SLCO6A1: variants seen among roughly 807,000 people sequenced by gnomAD.
SLCO6A1 encodes cancer/testis antigen 48.
A neutral mutation model predicts 72.7 loss-of-function variants in SLCO6A1; 65 were observed. The observed-to-expected ratio is 0.89, with a 90% CI of 0.73 to 1.10. The LOEUF (loss-of-function observed/expected upper bound fraction) is 1.10, where lower values mean the gene tolerates loss of function less well. SLCO6A1 is among the 50% of genes least tolerant of loss of function. SLCO6A1 has a pLI of 0.00. For synonymous variants in SLCO6A1, 314 were observed against 298.2 expected (o/e 1.05, Z -0.55); for missense variants, 874 against 872.6 (o/e 1.00, Z -0.02).
Position 102,459,775 on chromosome 5 carries a change from G to A in SLCO6A1, c.902C>T (p.Thr301Ile), listed in dbSNP as rs1266946335. Residue 301 changes from threonine (T) to isoleucine (I), a missense_variant and splice_region_variant, in exon 5 of 14, where the codon ACT becomes ATT. Thr to Ile is a moderately conservative substitution (Grantham distance 89). Coordinates refer to ENST00000506729, the MANE Select transcript of SLCO6A1 (RefSeq NM_173488.5). Reference protein sequence around the residue: ...VPENTTSATNTTVNNGSPEWL... With the variant: ...VPENTTSATNITVNNGSPEWL... ...TTCTGGACTACCATTATTGACTGTAGTGCTTTAATAAAGAAAAGTGAAAAA... is the reference window on the plus strand; with the variant it reads ...TTCTGGACTACCATTATTGACTGTAATGCTTTAATAAAGAAAAGTGAAAAA... 1.3e-6 allele frequency: 2 copies of A among 1,550,500 alleles called. No individual in the cohort carries two copies. Among genetic ancestry groups the A allele is most frequent in the Non-Finnish European group, 1.7e-6 (2 of 1,152,310 alleles).
intron 6 of SLCO6A1, among the ~76,000 whole-genome samples, chr5:102,448,139 A>G (rs1376208015): frequency 6.6e-6 from 1 of 152,186 alleles, no homozygotes; most frequent in African/African-American, 2.4e-5. Flanking sequence ...CCCAAAAGTC[A>G]CTCAGGAGCA....
Position 102,480,939 on chromosome 5 carries a change from T to C in SLCO6A1, c.359-505A>G, listed in dbSNP as rs979351697. Among the ~76,000 whole-genome samples the C allele has an allele frequency of 1.8e-3, 273 of 151,794 alleles. 3 individuals carry two copies. The highest frequency in any genetic ancestry group is 6.0e-4 in the Non-Finnish European group (41 of 67,996). On this transcript the variant is annotated intron_variant, in intron 1 of 13. Coordinates refer to ENST00000506729, the MANE Select transcript of SLCO6A1 (RefSeq NM_173488.5). Reference sequence around the variant, plus strand: ...TTTAACATTTTTGACAATACATATGTCCTTAGACAATATCAAGTATTGTTT... The same window carrying C: ...TTTAACATTTTTGACAATACATATGCCCTTAGACAATATCAAGTATTGTTT...
At chr5:102,442,768 G>A (rs1023222063) in intron 6 of SLCO6A1, among the ~76,000 whole-genome samples, 1 of 152,156 alleles carries the variant, frequency 6.6e-6, no homozygotes, top group African/African-American at 2.4e-5. Flanking sequence ...CATTCATAAA[G>A]AAATGAGACA....
intron 7 of SLCO6A1, among the ~76,000 whole-genome samples, chr5:102,430,928 C>CT (rs552115897): frequency 4.2e-4 from 64 of 152,006 alleles, no homozygotes; most frequent in African/African-American, 1.5e-3. Flanking sequence ...TAATCCTGGG[C>CT]TTTTTTTGGT....
Position 102,480,432 on chromosome 5 carries a change from C to T in SLCO6A1, c.361G>A (p.Val121Met). The T allele has an allele frequency of 6.9e-6, 11 of 1,602,502 alleles. No individual in the cohort carries two copies. Among genetic ancestry groups the T allele is most frequent in the Non-Finnish European group, 9.4e-6 (11 of 1,175,630 alleles). The change falls in exon 2 of 14, where the codon GTG becomes ATG. Residue 121 changes from valine to methionine, a missense_variant and splice_region_variant. Coordinates refer to ENST00000506729, the MANE Select transcript of SLCO6A1 (RefSeq NM_173488.5). ...FYCILLICQG[V>M]VFGLIDVSIG... Reference sequence around the variant, plus strand: ...CTGACATCTATAAGACCAAACACCACACCTAAAATGTAAAAAGAAAAAGAG... The same window carrying T: ...CTGACATCTATAAGACCAAACACCATACCTAAAATGTAAAAAGAAAAAGAG...
At chr5:102,442,154 T>A (rs1749869318) in intron 6 of SLCO6A1, among the ~76,000 whole-genome samples, 1 of 152,198 alleles carries the variant, frequency 6.6e-6, no homozygotes, top group African/African-American at 2.4e-5. Context: ...GGAACTGATT[T>A]TTGGAGCATC....
intron 9 of SLCO6A1, among the ~76,000 whole-genome samples, chr5:102,399,972 A>G (rs1281463889): frequency 2.6e-5 from 4 of 151,586 alleles, no homozygotes; most frequent in African/African-American, 9.7e-5. Context: ...GTGTGTAATT[A>G]TAATTACTTA....
intron 12 of SLCO6A1, among the ~76,000 whole-genome samples, chr5:102,380,478 C>T (rs568015094): frequency 1.7e-4 from 26 of 152,110 alleles, no homozygotes; most frequent in Admixed American, 8.5e-4. Context: ...ATGTCACAGC[C>T]TTTTCCCCAG....
At chr5:102,397,306 G>A (rs1018424879) in intron 10 of SLCO6A1, among the ~76,000 whole-genome samples, 3 of 152,090 alleles carry the variant, frequency 2.0e-5, no homozygotes, top group African/African-American at 7.2e-5. Context: ...ACTTGAGGAA[G>A]TTTCCAGGGG....
intron 7 of SLCO6A1, among the ~76,000 whole-genome samples, chr5:102,421,473 G>C (rs1432130679): frequency 2.0e-5 from 3 of 152,252 alleles, no homozygotes; most frequent in East Asian, 3.9e-4. Context: ...TGAGTAGGCA[G>C]TTTTCCCCTC....
At chr5:102,407,927 G>T (rs192096115) in intron 9 of SLCO6A1, among the ~76,000 whole-genome samples, 1 of 152,278 alleles carries the variant, frequency 6.6e-6, no homozygotes, top group Admixed American at 6.5e-5. Context: ...GAGACTTGGA[G>T]CAGAGGACCC....
intron 10 of SLCO6A1, among the ~76,000 whole-genome samples, chr5:102,397,942 C>T (rs1747187434): frequency 6.6e-6 from 1 of 152,060 alleles, no homozygotes. Flanking sequence ...AACTAAACTT[C>T]TAGAATATTA....
At chr5:102,407,412 T>C (rs1252537261) in intron 9 of SLCO6A1, among the ~76,000 whole-genome samples, 2 of 152,196 alleles carry the variant, frequency 1.3e-5, no homozygotes, top group Non-Finnish European at 2.9e-5. Context: ...TGCTACTGTA[T>C]ACCAGTGCTT....
At chr5:102,415,884 A>C (rs933289057) in intron 8 of SLCO6A1, among the ~76,000 whole-genome samples, 3 of 152,134 alleles carry the variant, frequency 2.0e-5, no homozygotes, top group African/African-American at 7.2e-5. Flanking sequence ...AATTTCACTG[A>C]AAGGGGGCAA....
chr5:102,409,700 C>A (rs923198345), intron 9 of SLCO6A1, among the ~76,000 whole-genome samples: 3 of 152,168 alleles, frequency 2.0e-5, no homozygotes, highest in African/African-American at 4.8e-5. Flanking sequence ...TGTTATCACA[C>A]AGTTTGAGTG....
chr5:102,448,391 T>C (rs1388347030), intron 6 of SLCO6A1, among the ~76,000 whole-genome samples: 1 of 152,194 alleles, frequency 6.6e-6, no homozygotes. Context: ...TTAGGTACAT[T>C]TGGTCAAGTG....
In SLCO6A1 at chr5:102,407,077, G is replaced by A. The variant is rs558762246; in HGVS notation, c.1626+5913C>T. On this transcript the variant is annotated intron_variant, in intron 9 of 13. Transcript: ENST00000506729. ...GAAGTAAAAGGCATGACTCAACTCC[G>A]TAGATGGGGGCTCAAACATTGGACC... is the stretch of plus-strand genomic sequence containing the variant. Among the ~76,000 whole-genome samples, 27 of 152,258 alleles carry A rather than the reference G, an allele frequency of 1.8e-4. No homozygotes were observed. In the South Asian group the frequency reaches 4.1e-3, roughly 23 times the overall value.
chr5:102,483,310 A>T (rs1170488033), intron 1 of SLCO6A1, among the ~76,000 whole-genome samples: 1 of 152,100 alleles, frequency 6.6e-6, no homozygotes, highest in Non-Finnish European at 1.5e-5. Context: ...GTACTGCTCA[A>T]TGTTCTTTCC....
At chr5:102,491,735 A>G (rs1336770423) in intron 1 of SLCO6A1, among the ~76,000 whole-genome samples, 2 of 151,948 alleles carry the variant, frequency 1.3e-5, no homozygotes, top group African/African-American at 4.8e-5. Flanking sequence ...CTCCCTCCAC[A>G]CCTTCTTGCA....
Sources: allele counts gnomAD v4.1 joint callset (sites outside exome capture counted in the v4.1 genomes callset), GRCh38; gene constraint gnomAD v4.1.1; transcripts MANE v1.5; gene names NCBI Gene and HGNC (gene_info 2026-07-23, HGNC 2026-07-21).